Variants in LRRD1 observed in about 807,000 individuals in gnomAD.
The protein encoded by LRRD1 is leucine rich repeats and death domain containing 1.
A neutral mutation model predicts 69.5 loss-of-function variants in LRRD1; 49 were observed. The observed-to-expected ratio is 0.70, with a 90% CI of 0.56 to 0.89. LRRD1 has a LOEUF of 0.89. Among genes scored for constraint, LRRD1 ranks in the 40% least tolerant of loss-of-function variants. The pLI is 0.00. For synonymous variants in LRRD1, 303 were observed against 338.9 expected, an observed-to-expected ratio of 0.89 and a Z score of 1.16; for missense variants, 853 against 956.0, an observed-to-expected ratio of 0.89 and a Z score of 1.42.
chr7:92,155,203 G>A (rs532669210), intron 3 of LRRD1, among the ~76,000 whole-genome samples: 6 of 152,190 alleles, frequency 3.9e-5, no homozygotes, highest in South Asian at 4.1e-4. Flanking sequence ...GTGCTTTAGG[G>A]CCATTAATAA....
chr7:92,171,195 C>T (rs1198227751), intron 1 of LRRD1, among the ~76,000 whole-genome samples: 1 of 151,040 alleles, frequency 6.6e-6, no homozygotes, highest in Admixed American at 6.6e-5. Context: ...AATATCAGAG[C>T]AGAAATAAAT....
chr7:92,156,310 T>C (rs1319277959), intron 3 of LRRD1, among the ~76,000 whole-genome samples: 1 of 152,234 alleles, frequency 6.6e-6, no homozygotes, highest in Non-Finnish European at 1.5e-5. Flanking sequence ...ACTTTTTATA[T>C]ACATTTTAGA....
chr7:92,177,506 G>T (rs1158277710), intron 1 of LRRD1, among the ~76,000 whole-genome samples: 3 of 152,118 alleles, frequency 2.0e-5, no homozygotes, highest in Non-Finnish European at 1.5e-5. Flanking sequence ...TAATGCCCCT[G>T]ACCTGGAGCT....
rs1584647661 is a variant in LRRD1 at position 92,145,177 on chromosome 7, T to G, written c.2397-103A>C. The G allele has an allele frequency of 6.9e-6, 4 of 582,792 alleles. No homozygotes were observed. In the East Asian group the frequency reaches 1.7e-4, roughly 24 times the overall value. 36.1% of individuals were successfully genotyped at this position (582,792 alleles called of 1,614,324 possible). A position where few individuals can be genotyped will look rare whatever the true frequency, so the allele number is the denominator to read the frequency against. ...GAATTGTCAATTAAGAACATTGCTT[T>G]AAACTCCTGTAATATTGTATATCTA... On this transcript the variant is annotated intron_variant, in intron 5 of 5. Transcript: ENST00000458448.
At chr7:92,142,580 T>C, downstream of LRRD1, 1 of 454,562 alleles carries the variant, frequency 2.2e-6, no homozygotes, top group South Asian at 1.6e-5. Context: ...CTCACTGACT[T>C]CAAGTATGAA....
Position 92,146,924 on chromosome 7 carries a change from T to TA in LRRD1, c.2279-725dup, listed in dbSNP as rs368643858. ...GCAACAAGAGTGAAACTCCGTCTCA[T>TA]AAAAAAAAAAAAAAATGACAATGAC... On this transcript the variant is annotated intron_variant, in intron 4 of 5. Transcript: ENST00000458448. Among the ~76,000 whole-genome samples the TA allele has an allele frequency of 5.7e-3, 681 of 119,454 alleles. 2 individuals carry two copies. Among genetic ancestry groups the TA allele is most frequent in the African/African-American group, 0.014 (440 of 31,760 alleles). 78.4% of individuals were successfully genotyped at this position (119,454 alleles called of 152,430 possible). A position where few individuals can be genotyped will look rare whatever the true frequency, so the allele number is the denominator to read the frequency against.
rs542553575 is a variant in LRRD1, at chr7:92,165,216, A to G, written c.-14T>C. On this transcript the variant is annotated 5_prime_UTR_variant, in exon 2 of 6. Transcript: ENST00000458448. ...CTTTTCAGACATCTTATTTGCTGAT[A>G]TGTTTTATGCCAATACAAAATTGTA... 22 of 1,395,000 alleles carry G rather than the reference A, an allele frequency of 1.6e-5. No individual in the cohort carries two copies. The Admixed American group carries it at 4.7e-4, about 30-fold the overall frequency. 86.4% of individuals were successfully genotyped at this position (1,395,000 alleles called of 1,614,324 possible).
chr7:92,163,592 G>A lies in LRRD1; in HGVS notation c.1611C>T (p.Tyr537=). Residue 537 remains tyrosine (Y), a synonymous_variant, in exon 2 of 6, where the codon TAC becomes TAT. Coordinates refer to ENST00000458448, the MANE Select transcript of LRRD1 (RefSeq NM_001161528.2). The part of the protein sequence containing the change: ...EHFCSLINLK[Y]LDLGKNQIKK... ...TTATTTGGTTTTTACCAAGATCCAG[G>A]TATTTAAGATTAATAAGAGAACAAA... The A allele has an allele frequency of 6.5e-7, 1 of 1,530,032 alleles. No individual in the cohort carries two copies. Among genetic ancestry groups the A allele is most frequent in the South Asian group, 1.2e-5 (1 of 80,298 alleles). The allele number at this position is 1,530,032 out of a possible 1,614,324, so 94.8% of individuals were successfully genotyped here.
intron 3 of LRRD1, among the ~76,000 whole-genome samples, chr7:92,152,755 C>T (rs1820505254): frequency 6.6e-6 from 1 of 151,710 alleles, no homozygotes; most frequent in South Asian, 2.1e-4. Context: ...ACTGCAACCT[C>T]CACCTCCCGG....
At chr7:92,177,228 A>AT (rs770350850) in intron 1 of LRRD1, among the ~76,000 whole-genome samples, 7 of 150,712 alleles carry the variant, frequency 4.6e-5, no homozygotes, top group South Asian at 2.1e-4. Flanking sequence ...AATTTTGCTG[A>AT]TTTTTTTTTA....
rs1820317948 is a variant in LRRD1 at position 92,146,136 on chromosome 7, A to C, written c.2343T>G (p.Phe781Leu). The C allele has an allele frequency of 1.3e-6, 2 of 1,542,808 alleles. No individual in the cohort carries two copies. The highest frequency in any genetic ancestry group is 4.9e-5 in the East Asian group (2 of 40,778). Residue 781 changes from phenylalanine to leucine, a missense_variant, in exon 5 of 6, where the codon TTT becomes TTG. Around this residue, in one of 3 missense-constraint regions of LRRD1, gnomAD observed 739 missense variants for 808.0 expected, o/e 0.91. Transcript: ENST00000458448. Reference protein sequence around the residue: ...ANNITETNFEFLCQKLNLANS... With the variant: ...ANNITETNFELLCQKLNLANS... ...TTGCCAGGTTTAGTTTTTGACATAA[A>C]AATTCAAAATTGGTTTCAGTGATGT...
intron 3 of LRRD1, among the ~76,000 whole-genome samples, chr7:92,156,279 T>A (rs569850183): frequency 9.6e-4 from 146 of 152,250 alleles, no homozygotes; most frequent in Non-Finnish European, 5.3e-4. Context: ...CAAAATTGTT[T>A]CAGCTATTCT....
chr7:92,170,156 G>C (rs1008120100), intron 1 of LRRD1, among the ~76,000 whole-genome samples: 17 of 149,608 alleles, frequency 1.1e-4, no homozygotes, highest in African/African-American at 3.9e-4. Context: ...AAGGAAGGAA[G>C]GAAGGAGGGA....
chr7:92,172,712 A>G (rs1377239798), intron 1 of LRRD1, among the ~76,000 whole-genome samples: 2 of 152,206 alleles, frequency 1.3e-5, no homozygotes, highest in African/African-American at 4.8e-5. Context: ...ATGGAAAGAC[A>G]TTCTATGTTC....
chr7:92,143,432 C>T (rs1226027862), downstream of LRRD1, among the ~76,000 whole-genome samples: 4 of 152,120 alleles, frequency 2.6e-5, no homozygotes, highest in African/African-American at 4.8e-5. Context: ...CGGCACTCGT[C>T]GGGGAGGCTC....
rs1221524122 is a variant in LRRD1 at position 92,174,519 on chromosome 7, T to A, written c.-75+4488A>T. Among the ~76,000 whole-genome samples, 218 of 73,564 alleles carry A rather than the reference T, an allele frequency of 3.0e-3. 1 individual carries two copies. Among genetic ancestry groups the A allele is most frequent in the South Asian group, 4.3e-3 (8 of 1,862 alleles). 48.3% of individuals were successfully genotyped at this position (73,564 alleles called of 152,430 possible). Reference sequence around the variant, plus strand: ...TATATATATATATATATTTTTTTTTTTTTTTTTTTTTTTTTTTTGAGACAG... The same window carrying A: ...TATATATATATATATATTTTTTTTTATTTTTTTTTTTTTTTTTTGAGACAG... On this transcript the variant is annotated intron_variant, in intron 1 of 5. Coordinates refer to ENST00000458448, the MANE Select transcript of LRRD1 (RefSeq NM_001161528.2).
chr7:92,178,929 C>T (rs968813829), intron 1 of LRRD1, 78 bp downstream of exon 1: 1 of 152,216 alleles, frequency 6.6e-6, no homozygotes, highest in African/African-American at 2.4e-5. Flanking sequence ...CATGCAAAGC[C>T]ATGAGAAGTG....
In LRRD1 at chr7:92,153,928, C is replaced by T. The variant is rs1214722504; in HGVS notation, c.2117-3233G>A. Among the ~76,000 whole-genome samples the T allele has an allele frequency of 3.3e-5, 5 of 150,976 alleles. No individual in the cohort carries two copies. The East Asian group carries it at 6.1e-4, about 18-fold the overall frequency. ...CTTGGCTCACTGTAACCTCCGCTTCCTGGGTTCAAGCGATTCTCCTGCCTC... is the reference window on the plus strand; with the variant it reads ...CTTGGCTCACTGTAACCTCCGCTTCTTGGGTTCAAGCGATTCTCCTGCCTC... On this transcript the variant is annotated intron_variant, in intron 3 of 5. Coordinates refer to ENST00000458448, the MANE Select transcript of LRRD1 (RefSeq NM_001161528.2).
At chr7:92,143,244 C>G (rs984234059), downstream of LRRD1, among the ~76,000 whole-genome samples, 1 of 152,160 alleles carries the variant, frequency 6.6e-6, no homozygotes, top group African/African-American at 2.4e-5. Context: ...TTACAATCCC[C>G]TAGCTAGACA....
Sources: gnomAD v4.1 joint callset for allele counts (sites outside exome capture counted in the v4.1 genomes callset) on GRCh38, gnomAD v4.1.1 for gene constraint, gnomAD v4.1.1 regional missense constraint, MANE v1.5 for transcripts, NCBI Gene and HGNC (gene_info 2026-07-23, HGNC 2026-07-21) for gene names.